The following PLCE1 variants were observed in gnomAD, a reference collection of about 807,000 sequenced individuals.
PLCE1 encodes the protein 1-phosphatidylinositol 4,5-bisphosphate phosphodiesterase epsilon-1.
Under a neutral mutation model 242.8 loss-of-function variants are expected in PLCE1, and 119 were observed. The ratio of observed to expected loss-of-function variants is 0.49; its 90% confidence interval spans 0.42 to 0.57. The LOEUF (loss-of-function observed/expected upper bound fraction) is 0.57. Ranked by LOEUF, PLCE1 falls within the 20% of genes least tolerant of loss-of-function variation. The probability of loss-of-function intolerance (pLI) is 0.00; values close to 1 mark genes in which losing one functional copy is unlikely to be tolerated. For synonymous variants in PLCE1, 945 were observed against 1,017.4 expected (o/e 0.93, Z 1.35); for missense variants, 2,441 against 2,788.8 (o/e 0.88, Z 2.81).
At chr10:94,078,856 T>A (rs1250789182) in intron 2 of PLCE1, among the ~76,000 whole-genome samples, 1 of 152,182 alleles carries the variant, frequency 6.6e-6, no homozygotes, top group Non-Finnish European at 1.5e-5. Context: ...TAGCAAACAT[T>A]ACCAAATCTG....
At chr10:94,185,721 T>C (rs1011047822) in intron 4 of PLCE1, among the ~76,000 whole-genome samples, 17 of 152,238 alleles carry the variant, frequency 1.1e-4, no homozygotes, top group African/African-American at 3.9e-4. Flanking sequence ...GTGTGATTTG[T>C]GCAGAATGAG....
At chr10:94,154,340 G>GAAGACCTA (rs2047362530) in intron 3 of PLCE1, among the ~76,000 whole-genome samples, 1 of 152,194 alleles carries the variant, frequency 6.6e-6, no homozygotes, top group Non-Finnish European at 1.5e-5. Context: ...TCAAAGACCT[G>GAAGACCTA]CACAGAAGAC....
chr10:94,302,207 A>G (rs2053062780), intron 24 of PLCE1, among the ~76,000 whole-genome samples: 1 of 152,116 alleles, frequency 6.6e-6, no homozygotes, highest in African/African-American at 2.4e-5. Flanking sequence ...TCTCTTTTAC[A>G]TGTTTGGTCA....
intron 6 of PLCE1, among the ~76,000 whole-genome samples, chr10:94,234,727 G>A (rs935474297): frequency 1.3e-5 from 2 of 152,084 alleles, no homozygotes; most frequent in Admixed American, 6.6e-5. Flanking sequence ...ATCCTTTGTG[G>A]GAAAATGCTG....
intron 22 of PLCE1, among the ~76,000 whole-genome samples, chr10:94,285,632 A>C (rs1487010853): frequency 6.6e-6 from 1 of 152,112 alleles, no homozygotes; most frequent in Admixed American, 6.5e-5. Context: ...TTTCAGCTTC[A>C]GTGTAAGAGT....
chr10:94,014,802 C>A (rs542273637), intron 1 of PLCE1, among the ~76,000 whole-genome samples: 1 of 152,300 alleles, frequency 6.6e-6, no homozygotes, highest in East Asian at 1.9e-4. Context: ...AGGAGAGGTG[C>A]CTGCTAAAAA....
intron 4 of PLCE1, among the ~76,000 whole-genome samples, chr10:94,205,793 G>T (rs2049140160): frequency 6.6e-6 from 1 of 152,210 alleles, no homozygotes; most frequent in Admixed American, 6.5e-5. Context: ...TTTGATCCAG[G>T]ATAATTGGAA....
At chr10:94,264,220 G>A (rs117528915) in intron 14 of PLCE1, among the ~76,000 whole-genome samples, 8 of 152,256 alleles carry the variant, frequency 5.3e-5, no homozygotes, top group Non-Finnish European at 1.2e-4. Context: ...GTGGCATTTG[G>A]ACTGAGCCCT....
chr10:94,044,887 G>T (rs868578117), intron 2 of PLCE1, among the ~76,000 whole-genome samples: 2 of 152,146 alleles, frequency 1.3e-5, no homozygotes, highest in South Asian at 4.1e-4. Context: ...CCTAAAATAT[G>T]AAGACATTAA....
At chr10:94,170,072 A>G (rs1037369056) in intron 3 of PLCE1, among the ~76,000 whole-genome samples, 1 of 152,212 alleles carries the variant, frequency 6.6e-6, no homozygotes, top group Non-Finnish European at 1.5e-5. Flanking sequence ...ATAATTCCAA[A>G]GTTTTCTGCA....
rs143872488 is a variant in PLCE1, at chr10:94,038,922, A to C, written c.1206+6670A>C. 1.6e-4 allele frequency among the ~76,000 whole-genome samples: 24 copies of C among 152,292 alleles called. No homozygotes were observed. In the East Asian group the frequency reaches 4.6e-3, roughly 29 times the overall value. ...TCTCCCCCAGCCCTAAGGAACCACT[A>C]ATCCACTTTCTGTCTCTATAGATTT... On this transcript the variant is annotated intron_variant, in intron 2 of 32. Transcript: ENST00000371380.
At chr10:94,121,323 C>T (rs2046291448) in intron 2 of PLCE1, among the ~76,000 whole-genome samples, 1 of 152,188 alleles carries the variant, frequency 6.6e-6, no homozygotes, top group Non-Finnish European at 1.5e-5. Context: ...AGTCCAGGTA[C>T]TTCAACAAGG....
Position 94,054,099 on chromosome 10 carries a change from C to T in PLCE1, c.1206+21847C>T, listed in dbSNP as rs188688511. Reference sequence around the variant, plus strand: ...CTTCCTTATGGTCTAGTGGGGCCTTCCTTCTGTCACGGCAATTAAAGACAC... The same window carrying T: ...CTTCCTTATGGTCTAGTGGGGCCTTTCTTCTGTCACGGCAATTAAAGACAC... On this transcript the variant is annotated intron_variant, in intron 2 of 32. Transcript: ENST00000371380. Among the ~76,000 whole-genome samples the T allele has an allele frequency of 2.6e-5, 4 of 152,164 alleles. No homozygotes were observed. In the East Asian group the frequency reaches 7.8e-4, roughly 30 times the overall value.
chr10:94,165,017 C>T (rs549732418), intron 3 of PLCE1, among the ~76,000 whole-genome samples: 2 of 152,150 alleles, frequency 1.3e-5, no homozygotes, highest in Non-Finnish European at 2.9e-5. Context: ...GAGGAGTACC[C>T]GGCCGTGTGA....
chr10:94,130,816 T>G (rs931135221), intron 2 of PLCE1, among the ~76,000 whole-genome samples: 1 of 152,158 alleles, frequency 6.6e-6, no homozygotes, highest in East Asian at 1.9e-4. Flanking sequence ...CATAAGGACC[T>G]AGCACAGCTC....
At chr10:94,079,052 GTTTTAATA>G (rs2044583511) in intron 2 of PLCE1, among the ~76,000 whole-genome samples, 1 of 152,082 alleles carries the variant, frequency 6.6e-6, no homozygotes, top group African/African-American at 2.4e-5. Flanking sequence ...TGTGGACAGA[GTTTTAATA>G]TTTCTATTAA....
chr10:93,999,517 T>A (rs2060891806), intron 1 of PLCE1, among the ~76,000 whole-genome samples: 1 of 152,158 alleles, frequency 6.6e-6, no homozygotes, highest in Admixed American at 6.5e-5. Context: ...GTGGGGAAAA[T>A]GCAATGTTGG....
chr10:94,172,136 TG>T (rs1336429642), intron 4 of PLCE1, among the ~76,000 whole-genome samples: 1 of 151,918 alleles, frequency 6.6e-6, no homozygotes, highest in East Asian at 1.9e-4. Context: ...AGCCATTGCG[TG>T]GGGGTCTAGG....
intron 17 of PLCE1, 126 bp downstream of exon 17, chr10:94,269,162 TACC>T: frequency 1.7e-6 from 1 of 580,350 alleles, no homozygotes; most frequent in South Asian, 1.7e-5. Context: ...AGTAGAGTGG[TACC>T]ATCTTGGCTC....
Sources: allele counts gnomAD v4.1 joint callset (sites outside exome capture counted in the v4.1 genomes callset), GRCh38; gene constraint gnomAD v4.1.1; transcripts MANE v1.5; gene names NCBI Gene and HGNC (gene_info 2026-07-23, HGNC 2026-07-21).